ZC3H13: variants seen among roughly 807,000 people sequenced by gnomAD.
ZC3H13 encodes zinc finger CCCH domain-containing protein 13.
ZC3H13 carries 64 observed loss-of-function variants against 204.1 expected under a neutral mutation model. The observed-to-expected ratio is 0.31, with a 90% CI of 0.26 to 0.39. The LOEUF (loss-of-function observed/expected upper bound fraction) is 0.39. Among genes scored for constraint, ZC3H13 ranks in the 10% least tolerant of loss-of-function variants. The pLI is 1.00. For synonymous variants in ZC3H13, 667 were observed against 693.7 expected (o/e 0.96, Z 0.60); for missense variants, 1,833 against 2,082.7 (o/e 0.88, Z 2.33).
chr13:46,051,771 AAAC>A (rs970018866), intron 1 of ZC3H13, among the ~76,000 whole-genome samples: 42 of 152,344 alleles, frequency 2.8e-4, no homozygotes, highest in African/African-American at 9.6e-4. Context: ...TACCCTTCAC[AAAC>A]AACATCTTAC....
chr13:45,980,508 C>G (rs1055482066), intron 10 of ZC3H13, among the ~76,000 whole-genome samples: 2 of 152,072 alleles, frequency 1.3e-5, no homozygotes, highest in South Asian at 4.2e-4. Flanking sequence ...ACAGCCAAAA[C>G]CTGCAAAGTA....
intron 8 of ZC3H13, among the ~76,000 whole-genome samples, chr13:46,002,930 A>T (rs2040854868): frequency 6.6e-6 from 1 of 152,198 alleles, no homozygotes; most frequent in South Asian, 2.1e-4. Context: ...CCACAATAAA[A>T]AATTGAAAAA....
rs1393803564 is a variant in ZC3H13, at chr13:45,999,203, C to T, written c.944+3936G>A. On this transcript the variant is annotated intron_variant, in intron 8 of 18. Coordinates refer to ENST00000679008, the MANE Select transcript of ZC3H13 (RefSeq NM_001330564.2). ...GAGGCTACAATGAGCTGAGATGGCG[C>T]CAGTGCACTTAAGCCTGGGTAATAG... 3.3e-5 allele frequency among the ~76,000 whole-genome samples: 5 copies of T among 152,246 alleles called. No homozygotes were observed. The East Asian group carries it at 9.7e-4, about 29-fold the overall frequency.
intron 1 of ZC3H13, 82 bp downstream of exon 1, chr13:46,052,320 CGG>C (rs370456896): frequency 8.2e-6 from 3 of 367,422 alleles, no homozygotes; most frequent in African/African-American, 6.5e-5. Context: ...CAAGCAAAGA[CGG>C]GGGGGGGTAA....
At chr13:45,974,196 C>G (rs1288680227) in intron 12 of ZC3H13, among the ~76,000 whole-genome samples, 1 of 152,174 alleles carries the variant, frequency 6.6e-6, no homozygotes, top group Non-Finnish European at 1.5e-5. Context: ...TTTGTGCCCA[C>G]AGAACTTCAA....
In ZC3H13 at chr13:46,012,283, G is replaced by C. The variant is rs531036779; in HGVS notation, c.449-729C>G. Among the ~76,000 whole-genome samples, 29 of 101,932 alleles carry C rather than the reference G, an allele frequency of 2.8e-4. No homozygotes were observed. In the South Asian group the frequency reaches 7.3e-3, roughly 26 times the overall value. The allele number at this position is 101,932 out of a possible 152,430, so 66.9% of individuals were successfully genotyped here. On this transcript the variant is annotated intron_variant, in intron 5 of 18. Transcript: ENST00000679008. ...ATCTATTTCATTAAAATACATAGAA[G>C]TTGCTGGCACTAGCACCCAAACCCA...
At chr13:45,994,507 C>T (rs1205304059) in intron 8 of ZC3H13, among the ~76,000 whole-genome samples, 3 of 152,158 alleles carry the variant, frequency 2.0e-5, no homozygotes, top group Admixed American at 1.3e-4. Flanking sequence ...TTTTATGAAA[C>T]GTGGTTCAAG....
chr13:45,966,645 T>C (rs1364569647), intron 15 of ZC3H13, among the ~76,000 whole-genome samples: 1 of 152,140 alleles, frequency 6.6e-6, no homozygotes, highest in Non-Finnish European at 1.5e-5. Context: ...TTATATTCAA[T>C]TATATCCCAG....
intron 4 of ZC3H13, among the ~76,000 whole-genome samples, chr13:46,034,157 G>A (rs541589829): frequency 6.6e-6 from 1 of 152,252 alleles, no homozygotes; most frequent in South Asian, 2.1e-4. Flanking sequence ...ACAATGCCAA[G>A]TGTTGGTAAG....
Position 45,975,432 on chromosome 13 carries a change from T to TTCCCGTTCTCGCTCTCGCTCTCTC in ZC3H13, c.2295_2318dup (p.Glu769_Arg776dup). 1.9e-6 allele frequency: 3 copies of TTCCCGTTCTCGCTCTCGCTCTCTC among 1,613,852 alleles called. No homozygotes were observed. The highest frequency in any genetic ancestry group is 2.2e-5 in the East Asian group (1 of 44,848). ...TATCCCTTTCTCTCGCTCTTTCTCG[T>TTCCCGTTCTCGCTCTCGCTCTCTC]TCCCGTTCTCGCTCTCGCTCTCTCT... On this transcript the variant is annotated inframe_insertion, in exon 12 of 19. Transcript: ENST00000679008.
intron 1 of ZC3H13, among the ~76,000 whole-genome samples, chr13:46,049,093 A>G (rs957502843): frequency 1.3e-5 from 2 of 150,158 alleles, no homozygotes; most frequent in African/African-American, 4.9e-5. Context: ...TGGAGGTTGC[A>G]GTGAGCCGAG....
At chr13:46,023,446 T>C (rs1566308858) in intron 4 of ZC3H13, among the ~76,000 whole-genome samples, 3 of 152,274 alleles carry the variant, frequency 2.0e-5, no homozygotes, top group Admixed American at 1.3e-4. Context: ...TTCTTTCACG[T>C]GCTAGCCCTT....
At chr13:46,034,610 T>C (rs1208241059) in intron 4 of ZC3H13, among the ~76,000 whole-genome samples, 1 of 152,168 alleles carries the variant, frequency 6.6e-6, no homozygotes, top group African/African-American at 2.4e-5. Context: ...CAAAAAGGCA[T>C]GAAGATATGT....
In ZC3H13 at chr13:45,969,225, C is replaced by G; in HGVS notation, c.3319G>C (p.Val1107Leu). 1 of 1,614,016 alleles carries G rather than the reference C, an allele frequency of 6.2e-7. No homozygotes were observed. The highest frequency in any genetic ancestry group is 8.5e-7 in the Non-Finnish European group (1 of 1,179,960). Reference sequence around the variant, plus strand: ...ACAGTTGTAGCAGTGGCAGTAGCCACAGGCGGTGGAGGAGGAAGAAGAGAA... The same window carrying G: ...ACAGTTGTAGCAGTGGCAGTAGCCAGAGGCGGTGGAGGAGGAAGAAGAGAA... Reference protein sequence around the residue: ...LSSLLPPPPPVATATATTVPA... With the variant: ...LSSLLPPPPPLATATATTVPA... Residue 1107 changes from valine to leucine, a missense_variant, in exon 14 of 19, where the codon GTG becomes CTG. Val to Leu is a conservative substitution (Grantham distance 32). Around this residue, in one of 5 missense-constraint regions of ZC3H13, gnomAD observed 1,574 missense variants for 1,757.2 expected, o/e 0.90. Transcript: ENST00000679008.
At chr13:46,013,423 A>C (rs1020313730) in intron 5 of ZC3H13, among the ~76,000 whole-genome samples, 23 of 152,168 alleles carry the variant, frequency 1.5e-4, no homozygotes, top group Non-Finnish European at 3.2e-4. Context: ...AAAAAAAAAA[A>C]AACAAAATAA....
intron 8 of ZC3H13, among the ~76,000 whole-genome samples, chr13:45,989,874 C>T (rs774304083): frequency 6.6e-6 from 1 of 152,140 alleles, no homozygotes. Flanking sequence ...AACTAAGAAG[C>T]AGCAGGAAAT....
At chr13:45,963,816 A>T in intron 17 of ZC3H13, 26 bp downstream of exon 17, 2 of 1,613,340 alleles carry the variant, frequency 1.2e-6, no homozygotes, top group Non-Finnish European at 1.7e-6. Context: ...AACAGACATT[A>T]TATAGTTAAA....
intron 17 of ZC3H13, chr13:45,963,490 T>C: frequency 3.8e-6 from 4 of 1,040,414 alleles, no homozygotes; most frequent in Non-Finnish European, 4.6e-6. Flanking sequence ...GGCTCAATCA[T>C]GGCTCACTGC....
chr13:45,972,542 G>C (rs898891157), intron 12 of ZC3H13, among the ~76,000 whole-genome samples: 81 of 151,912 alleles, frequency 5.3e-4, no homozygotes, highest in Admixed American at 3.2e-3. Context: ...AATTCATCCA[G>C]GTAACCAAAA....
Sources: allele counts gnomAD v4.1 joint callset (sites outside exome capture counted in the v4.1 genomes callset), GRCh38; gene constraint gnomAD v4.1.1; regional missense constraint gnomAD v4.1.1; transcripts MANE v1.5; gene names NCBI Gene and HGNC (gene_info 2026-07-23, HGNC 2026-07-21).